Variants in MTERF4 observed in about 807,000 individuals in gnomAD.
The protein encoded by MTERF4 is mitochondrial transcription termination factor 4, also known as transcription termination factor 4, mitochondrial.
MTERF4 carries 17 observed loss-of-function variants against 22.5 expected under a neutral mutation model. That is an observed-to-expected ratio of 0.75 (90% CI 0.52 to 1.13). MTERF4 has a LOEUF of 1.13. Among genes scored for constraint, MTERF4 ranks in the 50% most tolerant of loss-of-function variants. The pLI, the probability that MTERF4 is intolerant of heterozygous loss-of-function variation, is 0.00. For missense variants in MTERF4, 420 were observed against 466.8 expected (o/e 0.90, Z 0.92); for synonymous variants, 165 against 175.3 (o/e 0.94, Z 0.47).
rs1559341093 is a variant in MTERF4 at position 241,099,616 on chromosome 2, C to T, written c.300G>A (p.Leu100=). The T allele has an allele frequency of 6.2e-7, 1 of 1,614,192 alleles. No individual in the cohort carries two copies. Among genetic ancestry groups the T allele is most frequent in the Non-Finnish European group, 8.5e-7 (1 of 1,180,030 alleles). The change falls in exon 2 of 4, where the codon CTG becomes CTA. Residue 100 remains leucine, a synonymous_variant. Transcript: ENST00000391980. ...LELERVMSSL[L]DMGFSNAHIN... ...TATGGGCATTGCTGAAACCCATGTC[C>T]AGGAGGGAACTCATGACCCTCTCTA... is the stretch of plus-strand genomic sequence containing the variant.
downstream of MTERF4, chr2:241,070,082 C>G (rs773042335): frequency 1.2e-6 from 2 of 1,612,970 alleles, no homozygotes; most frequent in South Asian, 2.2e-5. Context: ...GGGAAGCTGG[C>G]GTCCTACACG....
downstream of MTERF4, chr2:241,067,681 C>T: frequency 8.0e-7 from 1 of 1,245,310 alleles, no homozygotes; most frequent in Non-Finnish European, 1.1e-6. Context: ...AGCACCCTCC[C>T]AAGCCTGGTT....
rs747981001 is a variant in MTERF4 at position 241,096,052 on chromosome 2, G to GTCCTCATCATCGTCA, written c.1077_1091dup (p.Asp362_Asp366dup). 3.9e-5 allele frequency: 63 copies of GTCCTCATCATCGTCA among 1,611,326 alleles called. 2 individuals are homozygous for GTCCTCATCATCGTCA. Among genetic ancestry groups the GTCCTCATCATCGTCA allele is most frequent in the South Asian group, 3.8e-4 (35 of 91,052 alleles). On this transcript the variant is annotated inframe_insertion, in exon 4 of 4. Coordinates refer to ENST00000391980, the MANE Select transcript of MTERF4 (RefSeq NM_182501.4). This position sits in a 1 kb window ranked among gnomAD's most constrained non-coding sequence, Gnocchi z 5.1. ...CATCATTGTCCTCCGCCTCGTCGTCGTCCTCATCATCGTCATCCTCATCAT... is the reference window on the plus strand; with the variant it reads ...CATCATTGTCCTCCGCCTCGTCGTCGTCCTCATCATCGTCATCCTCATCATCGTCATCCTCATCAT...
chr2:241,052,105 C>G, the MTERF4 span: 1 of 1,613,908 alleles, frequency 6.2e-7, no homozygotes, highest in Non-Finnish European at 8.5e-7. Context: ...ACTACATTGG[C>G]AAATACAAGT....
chr2:241,089,977 T>C, downstream of MTERF4: 1 of 1,547,966 alleles, frequency 6.5e-7, no homozygotes, highest in Non-Finnish European at 8.7e-7. Flanking sequence ...AAAAATGGTA[T>C]ACCTGGGCAG....
intron 4 of MTERF4, among the ~76,000 whole-genome samples, chr2:241,078,666 T>C (rs1054892458): frequency 1.3e-5 from 2 of 151,952 alleles, no homozygotes; most frequent in Non-Finnish European, 2.9e-5. Context: ...CAGTAACAGC[T>C]AAAAGGTACA....
At chr2:241,065,818 T>G in the MTERF4 span, among the ~76,000 whole-genome samples, 2 of 151,880 alleles carry the variant, frequency 1.3e-5, no homozygotes, top group African/African-American at 4.8e-5. Flanking sequence ...TTGGGGCGCA[T>G]AGAATCGAGC....
rs907614569 is a variant in MTERF4 at position 241,075,455 on chromosome 2, C to CT, written n.706dup. On this transcript the variant is annotated non_coding_transcript_exon_variant, in exon 5 of 5. Transcript: ENST00000464344. The surrounding 1 kb of genome is among the most constrained non-coding windows in gnomAD (Gnocchi z 4.8). ...CCCCTGGGATCTGGGTTTGCATCTC[C>CT]TGGGCACTGATGTGACTGCGCCTCT... 7.2e-5 allele frequency: 11 copies of CT among 152,208 alleles called. No homozygotes were observed. Among genetic ancestry groups the CT allele is most frequent in the African/African-American group, 2.7e-4 (11 of 41,448 alleles). 9.4% of individuals were successfully genotyped at this position (152,208 alleles called of 1,614,324 possible).
the MTERF4 span, chr2:241,065,460 G>T: frequency 6.2e-7 from 1 of 1,613,064 alleles, no homozygotes; most frequent in Admixed American, 1.7e-5. Context: ...AGACTTTGTG[G>T]ACAGGACCCG....
At chr2:241,070,325 G>A (rs576552706), downstream of MTERF4, 20 of 1,025,726 alleles carry the variant, frequency 1.9e-5, no homozygotes, top group African/African-American at 2.8e-4. Context: ...ACAGGACCGT[G>A]TTAGCAGGGG....
At chr2:241,101,153 A>G in intron 1 of MTERF4, 2 of 464,978 alleles carry the variant, frequency 4.3e-6, no homozygotes, top group South Asian at 3.1e-5. Context: ...TGAAATAATT[A>G]TACAACTCAC....
chr2:241,087,208 C>A (rs1430270169), downstream of MTERF4: 3 of 582,364 alleles, frequency 5.2e-6, no homozygotes, highest in East Asian at 5.9e-5. Flanking sequence ...AAATTTATTA[C>A]AAATCACATG....
downstream of MTERF4, among the ~76,000 whole-genome samples, chr2:241,069,390 G>A (rs968246002): frequency 6.6e-6 from 1 of 152,184 alleles, no homozygotes; most frequent in African/African-American, 2.4e-5. The surrounding 1 kb of genome is among the most constrained non-coding windows in gnomAD (Gnocchi z 4.9). Flanking sequence ...TAAGTTCCTG[G>A]TGTCACTAGG....
downstream of MTERF4, chr2:241,067,964 A>C: frequency 1.3e-6 from 2 of 1,590,148 alleles, no homozygotes; most frequent in South Asian, 1.1e-5. Context: ...AGGGACACCC[A>C]GAGCATGGGG....
chr2:241,073,137 G>A lies in MTERF4; in HGVS notation n.3025C>T, dbSNP rs773220454. On this transcript the variant is annotated non_coding_transcript_exon_variant, in exon 5 of 5. Coordinates refer to the MTERF4 transcript ENST00000464344. The surrounding 1 kb of genome is among the most constrained non-coding windows in gnomAD (Gnocchi z 6.6). Reference sequence around the variant, plus strand: ...TGGGGCCGACAGGTGCTGGGGCCACGCAGGGAGCCTGGTCCCCACCAGGGA... The same window carrying A: ...TGGGGCCGACAGGTGCTGGGGCCACACAGGGAGCCTGGTCCCCACCAGGGA... The A allele has an allele frequency of 4.2e-5, 28 of 667,002 alleles. No individual in the cohort carries two copies. Among genetic ancestry groups the A allele is most frequent in the Admixed American group, 1.1e-4 (4 of 37,382 alleles). The allele number at this position is 667,002 out of a possible 1,614,324, so 41.3% of individuals were successfully genotyped here. A position where few individuals can be genotyped will look rare whatever the true frequency, so the allele number is the denominator to read the frequency against.
At chr2:241,065,732 G>C in the MTERF4 span, 2 of 770,906 alleles carry the variant, frequency 2.6e-6, no homozygotes, top group Non-Finnish European at 4.1e-6. Flanking sequence ...AGCTGAGCTG[G>C]GGGTTGGAGG....
downstream of MTERF4, chr2:241,070,231 G>T: frequency 6.3e-7 from 1 of 1,575,354 alleles, no homozygotes; most frequent in Admixed American, 1.8e-5. Context: ...CGCGTGGGCG[G>T]GGCCAGTGTT....
the MTERF4 span, chr2:241,063,611 C>T: frequency 4.3e-6 from 7 of 1,611,086 alleles, no homozygotes; most frequent in Non-Finnish European, 5.9e-6. Context: ...CGAGCTCACC[C>T]GTGCAGAAAT....
chr2:241,089,116 C>T (rs1272199587), downstream of MTERF4: 10 of 542,266 alleles, frequency 1.8e-5, no homozygotes, highest in East Asian at 3.4e-5. Context: ...TGGCATTCTT[C>T]ACAATCGTTT....
Sources: gnomAD v4.1 joint callset for allele counts (sites outside exome capture counted in the v4.1 genomes callset) on GRCh38, gnomAD v4.1.1 for gene constraint, Gnocchi (gnomAD v3.1) non-coding constraint, MANE v1.5 for transcripts, NCBI Gene and HGNC (gene_info 2026-07-23, HGNC 2026-07-21) for gene names.